Variants in RICTOR observed in about 807,000 individuals in gnomAD.
The protein encoded by RICTOR is RPTOR independent companion of MTOR complex 2, also known as rapamycin-insensitive companion of mTOR.
Under a neutral mutation model 214.9 loss-of-function variants are expected in RICTOR, and 49 were observed. The observed-to-expected ratio is 0.23, with a 90% CI of 0.18 to 0.29. The LOEUF (loss-of-function observed/expected upper bound fraction) is 0.29. RICTOR is among the 10% of genes least tolerant of loss of function. The probability of loss-of-function intolerance (pLI) is 1.00; values close to 1 mark genes in which losing one functional copy is unlikely to be tolerated. For missense variants in RICTOR, 1,625 were observed against 2,047.0 expected (o/e 0.79, Z 3.98); for synonymous variants, 717 against 711.3 (o/e 1.01, Z -0.13).
chr5:39,036,705 CAA>C (rs1561557784), intron 2 of RICTOR, among the ~76,000 whole-genome samples: 1 of 152,012 alleles, frequency 6.6e-6, no homozygotes, highest in Non-Finnish European at 1.5e-5. Flanking sequence ...CAGCAAAGAT[CAA>C]AAGAGACAAA....
chr5:38,962,524 A>G lies in RICTOR; in HGVS notation c.1629T>C (p.Asn543=). The change falls in exon 18 of 38, where the codon AAT becomes AAC. Residue 543 remains asparagine, a synonymous_variant. Transcript: ENST00000357387. The stretch of plus-strand genomic sequence containing the variant: ...CTATAAGATTCCAATTCCATTCAAG[A>G]TTCTCTTTATGTTGAAGGACTTGGC... The part of the protein sequence containing the change: ...RDSQVLQHKE[N]LEWNWNLIGT... The G allele has an allele frequency of 6.3e-7, 1 of 1,585,574 alleles. No homozygotes were observed. Among genetic ancestry groups the G allele is most frequent in the South Asian group, 1.2e-5 (1 of 86,474 alleles).
At chr5:39,049,059 A>G (rs1757678229) in intron 2 of RICTOR, among the ~76,000 whole-genome samples, 2 of 152,166 alleles carry the variant, frequency 1.3e-5, no homozygotes, top group East Asian at 1.9e-4. Flanking sequence ...GTACTCTTGC[A>G]TGGTTAAGGG....
At chr5:38,991,978 A>G (rs1213930920) in intron 6 of RICTOR, among the ~76,000 whole-genome samples, 1 of 152,142 alleles carries the variant, frequency 6.6e-6, no homozygotes, top group African/African-American at 2.4e-5. Context: ...TGTTGATAAA[A>G]TAAAACTTGT....
At chr5:38,953,370 CA>C in intron 28 of RICTOR, 90 bp downstream of exon 28, 1 of 560,594 alleles carries the variant, frequency 1.8e-6, no homozygotes, top group Non-Finnish European at 3.1e-6. Context: ...TAAGTAGTTC[CA>C]AAGAAAATAT....
In RICTOR at chr5:38,990,161, A is replaced by C. The variant is rs188730858; in HGVS notation, c.583+788T>G. On this transcript the variant is annotated intron_variant, in intron 7 of 37. Coordinates refer to ENST00000357387, the MANE Select transcript of RICTOR (RefSeq NM_152756.5). ...ATACACCATGGAATACTATGCAGCC[A>C]TTAAAAAAGGATGAGTTCATGTCCT... Among the ~76,000 whole-genome samples, 3 of 152,262 alleles carry C rather than the reference A, an allele frequency of 2.0e-5. No individual in the cohort carries two copies. The East Asian group carries it at 5.8e-4, about 29-fold the overall frequency.
chr5:39,044,743 G>A (rs900712511), intron 2 of RICTOR, among the ~76,000 whole-genome samples: 1 of 152,120 alleles, frequency 6.6e-6, no homozygotes, highest in South Asian at 2.1e-4. Context: ...GCAATGCATA[G>A]GAAAACAAAA....
intron 2 of RICTOR, among the ~76,000 whole-genome samples, chr5:39,046,904 T>G (rs1009644674): frequency 6.6e-6 from 1 of 152,208 alleles, no homozygotes; most frequent in Non-Finnish European, 1.5e-5. Context: ...TCCCTGTCTC[T>G]ATCAACTCTA....
In RICTOR at chr5:38,996,807, C is replaced by G. The variant is rs558555528; in HGVS notation, c.456+12G>C. The G allele has an allele frequency of 6.3e-7, 1 of 1,587,204 alleles. No homozygotes were observed. Among genetic ancestry groups the G allele is most frequent in the African/African-American group, 1.3e-5 (1 of 74,532 alleles). ...CATAAATTTGCCTTTTACTCTCACA[C>G]ATAGAGCATACCTTTCTGACTAATC... On this transcript the variant is annotated intron_variant, in intron 6 of 37. Coordinates refer to ENST00000357387, the MANE Select transcript of RICTOR (RefSeq NM_152756.5).
Position 38,949,915 on chromosome 5 carries a change from A to C in RICTOR, c.3933T>G (p.Ile1311Met). 6.2e-7 allele frequency: 1 copy of C among 1,613,488 alleles called. No individual in the cohort carries two copies. Among genetic ancestry groups the C allele is most frequent in the South Asian group, 1.1e-5 (1 of 91,062 alleles). ...QSLKAPSIAT[I>M]KSLADCNFSY... is the part of the protein sequence containing the mutation. ...TAAAGTTACAATCTGCTAGACTTTT[A>C]ATTGTAGCAATAGAGGGTGCTTTAA... The change falls in exon 31 of 38, where the codon ATT becomes ATG. Residue 1311 changes from isoleucine to methionine, a missense_variant. Physicochemically the swap from Ile to Met is conservative, Grantham distance 10. Around this residue, in one of 5 missense-constraint regions of RICTOR, gnomAD observed 1,214 missense variants for 1,470.5 expected, o/e 0.83. Coordinates refer to ENST00000357387, the MANE Select transcript of RICTOR (RefSeq NM_152756.5).
At chr5:38,967,013 C>A (rs1750289510) in intron 14 of RICTOR, 148 bp downstream of exon 14, 2 of 700,664 alleles carry the variant, frequency 2.9e-6, no homozygotes, top group Non-Finnish European at 5.1e-6. Context: ...GTTGGTCAGG[C>A]TGGTCTCGAA....
At chr5:39,017,741 C>CATT (rs1192137361) in intron 3 of RICTOR, among the ~76,000 whole-genome samples, 1 of 152,080 alleles carries the variant, frequency 6.6e-6, no homozygotes, top group Admixed American at 6.6e-5. Context: ...ACTATATTCT[C>CATT]ATCCCCTTCT....
intron 29 of RICTOR, among the ~76,000 whole-genome samples, chr5:38,952,768 T>C (rs1028702523): frequency 6.6e-6 from 1 of 152,028 alleles, no homozygotes; most frequent in Non-Finnish European, 1.5e-5. Flanking sequence ...ACCTGTTACC[T>C]ACAAGGTAAA....
intron 22 of RICTOR, among the ~76,000 whole-genome samples, 159 bp downstream of exon 22, chr5:38,959,036 A>C: frequency 6.6e-6 from 1 of 152,114 alleles, no homozygotes; most frequent in East Asian, 1.9e-4. Context: ...CGATACAAAA[A>C]TCTGAGTACT....
intron 2 of RICTOR, among the ~76,000 whole-genome samples, chr5:39,073,792 T>C (rs553303712): frequency 2.2e-4 from 33 of 152,228 alleles, no homozygotes; most frequent in African/African-American, 7.7e-4. Context: ...GACTCCGGGA[T>C]AGGTGCAAAC....
Position 39,002,683 on chromosome 5 carries a change from A to G in RICTOR, c.261-17T>C, listed in dbSNP as rs1438254275. Reference sequence around the variant, plus strand: ...AACCGCAAACTGTATGAAAACAAACAAAATACAAGTTTTGCTGCACAGGTT... The same window carrying G: ...AACCGCAAACTGTATGAAAACAAACGAAATACAAGTTTTGCTGCACAGGTT... On this transcript the variant is annotated splice_polypyrimidine_tract_variant and intron_variant, in intron 4 of 37. Coordinates refer to ENST00000357387, the MANE Select transcript of RICTOR (RefSeq NM_152756.5). The G allele has an allele frequency of 1.3e-6, 2 of 1,585,834 alleles. No homozygotes were observed. The highest frequency in any genetic ancestry group is 8.5e-7 in the Non-Finnish European group (1 of 1,170,492).
intron 2 of RICTOR, among the ~76,000 whole-genome samples, chr5:39,035,862 G>T (rs1270257967): frequency 2.0e-5 from 3 of 152,164 alleles, no homozygotes; most frequent in African/African-American, 7.2e-5. Context: ...AAAGTGACGG[G>T]GAGAATGGAA....
intron 2 of RICTOR, among the ~76,000 whole-genome samples, chr5:39,029,648 A>G (rs546677773): frequency 6.6e-6 from 1 of 152,356 alleles, no homozygotes; most frequent in South Asian, 2.1e-4. Context: ...TTGGAATAAA[A>G]AAGAACTGAA....
intron 2 of RICTOR, among the ~76,000 whole-genome samples, chr5:39,033,122 C>A (rs184458502): frequency 1.3e-5 from 2 of 152,262 alleles, no homozygotes; most frequent in Admixed American, 1.3e-4. Context: ...TTATAAATAA[C>A]AACTATAAAT....
chr5:39,035,024 G>A (rs1223772365), intron 2 of RICTOR, among the ~76,000 whole-genome samples: 1 of 152,190 alleles, frequency 6.6e-6, no homozygotes, highest in Admixed American at 6.5e-5. Context: ...CTCCTCAAGT[G>A]GGTCCCTGAC....
Sources: allele counts gnomAD v4.1 joint callset (sites outside exome capture counted in the v4.1 genomes callset), GRCh38; gene constraint gnomAD v4.1.1; regional missense constraint gnomAD v4.1.1; transcripts MANE v1.5; gene names NCBI Gene and HGNC (gene_info 2026-07-23, HGNC 2026-07-21).